Variants in SASH1 observed in about 807,000 individuals in gnomAD.
SASH1 encodes the protein SAM and SH3 domain-containing protein 1.
SASH1 carries 44 observed loss-of-function variants against 125.2 expected under a neutral mutation model. The observed-to-expected ratio is 0.35, with a 90% confidence interval of 0.28 to 0.45. SASH1 has a LOEUF of 0.45. Ranked by LOEUF, SASH1 falls within the 20% of genes least tolerant of loss-of-function variation. SASH1 has a pLI of 1.00. For missense variants in SASH1, 1,426 were observed against 1,614.5 expected (o/e 0.88, Z 2.00); for synonymous variants, 639 against 649.1 (o/e 0.98, Z 0.24).
At chr6:148,384,649 A>G (rs77405671) in intron 1 of SASH1, among the ~76,000 whole-genome samples, 5,881 of 152,222 alleles carry the variant, frequency 0.039, 192 homozygotes, top group South Asian at 0.16. Context: ...ATTTTTATGG[A>G]GTAGGTCTGT....
At chr6:148,428,959 G>C (rs1775941530) in intron 2 of SASH1, among the ~76,000 whole-genome samples, 1 of 152,118 alleles carries the variant, frequency 6.6e-6, no homozygotes, top group African/African-American at 2.4e-5. Flanking sequence ...AACATCTTCT[G>C]CTATACCTCG....
chr6:148,544,359 C>A lies in SASH1; in HGVS notation c.2889C>A (p.Pro963=), dbSNP rs990072582. The A allele has an allele frequency of 6.2e-7, 1 of 1,614,178 alleles. No homozygotes were observed. The highest frequency in any genetic ancestry group is 8.5e-7 in the Non-Finnish European group (1 of 1,180,032). The change falls in exon 18 of 20, where the codon CCC becomes CCA. Residue 963 remains proline, a synonymous_variant. Coordinates refer to ENST00000367467, the MANE Select transcript of SASH1 (RefSeq NM_015278.5). This position sits in a 1 kb window ranked among gnomAD's most constrained non-coding sequence, Gnocchi z 6.4. ...KGHEFEGTHH[P]LGTKEGVDAE... ...ACGAGTTTGAAGGAACACACCATCC[C>A]CTGGGCACCAAAGAAGGGGTAGATG...
chr6:148,229,094 A>G, the SASH1 span, among the ~76,000 whole-genome samples: 1 of 134,754 alleles, frequency 7.4e-6, no homozygotes, highest in Non-Finnish European at 1.5e-5. Flanking sequence ...AGATCGCACT[A>G]CTGCACTCCA....
Position 148,303,276 on chromosome 6 carries a change from G to A in SASH1, n.74+30899G>A, listed in dbSNP as rs578126246. Among the ~76,000 whole-genome samples, 9 of 152,042 alleles carry A rather than the reference G, an allele frequency of 5.9e-5. No individual in the cohort carries two copies. In the South Asian group the frequency reaches 6.2e-4, roughly 11 times the overall value. Reference sequence around the variant, plus strand: ...ATTACAGGTATAAGCCACCATGCCTGGCCTAAAATTGATTTAAAAATAAAT... The same window carrying A: ...ATTACAGGTATAAGCCACCATGCCTAGCCTAAAATTGATTTAAAAATAAAT... On this transcript the variant is annotated intron_variant and non_coding_transcript_variant, in intron 1 of 3. Coordinates refer to the SASH1 transcript ENST00000367469.
chr6:148,429,612 G>A (rs963727945), intron 2 of SASH1, among the ~76,000 whole-genome samples: 2 of 151,758 alleles, frequency 1.3e-5, no homozygotes, highest in African/African-American at 2.4e-5. Context: ...GCATGGTGGT[G>A]TATACCCACA....
chr6:148,207,071 C>T, the SASH1 span, among the ~76,000 whole-genome samples: 1 of 152,162 alleles, frequency 6.6e-6, no homozygotes, highest in African/African-American at 2.4e-5. Flanking sequence ...CCAACCAGAC[C>T]TTCCCAACCA....
At chr6:148,337,605 G>A (rs1026202864) in intron 1 of SASH1, among the ~76,000 whole-genome samples, 9 of 152,052 alleles carry the variant, frequency 5.9e-5, no homozygotes, top group African/African-American at 1.9e-4. Flanking sequence ...CAGGTGATCC[G>A]CCTGCCTGGG....
intron 1 of SASH1, among the ~76,000 whole-genome samples, chr6:148,291,940 A>C (rs1779645320): frequency 6.6e-6 from 1 of 152,198 alleles, no homozygotes; most frequent in Non-Finnish European, 1.5e-5. Context: ...TAGAGCCAAG[A>C]AAAATAGATA....
At chr6:148,261,805 AAGG>A in the SASH1 span, among the ~76,000 whole-genome samples, 1 of 152,146 alleles carries the variant, frequency 6.6e-6, no homozygotes, top group Non-Finnish European at 1.5e-5. Flanking sequence ...TCAGTCAAAC[AAGG>A]AGTAGAAAAG....
rs769365890 is a variant in SASH1 at position 148,527,505 on chromosome 6, C to T, written c.1337C>T (p.Ser446Phe). 4 of 1,610,456 alleles carry T rather than the reference C, an allele frequency of 2.5e-6. No homozygotes were observed. The highest frequency in any genetic ancestry group is 2.2e-5 in the East Asian group (1 of 44,648). ...YKEVIKSPTA[S>F]RISLGKKVKS... ...GAAGTCATCAAATCACCTACTGCCT[C>T]TCGCATCTCTCTTGGGAAAAAGGTG... Residue 446 changes from serine to phenylalanine, a missense_variant, in exon 12 of 20, where the codon TCT (serine) becomes TTT (phenylalanine). By Grantham distance (155) the Ser-to-Phe change is radical. Around this residue, in one of 3 missense-constraint regions of SASH1, gnomAD observed 567 missense variants for 575.6 expected, o/e 0.99. Transcript: ENST00000367467.
chr6:148,216,824 G>A, the SASH1 span, among the ~76,000 whole-genome samples: 3 of 151,746 alleles, frequency 2.0e-5, no homozygotes, highest in African/African-American at 4.8e-5. Flanking sequence ...TCCACCTCCC[G>A]GGTTCAAGCA....
chr6:148,451,648 A>T (rs1777106238), intron 4 of SASH1, among the ~76,000 whole-genome samples: 1 of 152,192 alleles, frequency 6.6e-6, no homozygotes, highest in Admixed American at 6.5e-5. Flanking sequence ...GAAAGAAAGG[A>T]AGAAAGAAAC....
At position 148,402,973 on chromosome 6, in the gene SASH1, A is replaced by G. The variant is rs368160118; in HGVS notation, c.285+12711A>G. On this transcript the variant is annotated intron_variant, in intron 2 of 19. Coordinates refer to ENST00000367467, the MANE Select transcript of SASH1 (RefSeq NM_015278.5). ...GTTCCTGGGTACATGCTAGAGCTCAATGAATACTTATCATAGATATTATTA... is the reference window on the plus strand; with the variant it reads ...GTTCCTGGGTACATGCTAGAGCTCAGTGAATACTTATCATAGATATTATTA... Among the ~76,000 whole-genome samples the G allele has an allele frequency of 7.2e-5, 11 of 152,300 alleles. No homozygotes were observed. The East Asian group carries it at 7.7e-4, about 11-fold the overall frequency.
At chr6:148,524,117 AT>A (rs1353323909) in intron 10 of SASH1, among the ~76,000 whole-genome samples, 1 of 95,284 alleles carries the variant, frequency 1.0e-5, no homozygotes, top group Non-Finnish European at 2.1e-5. Flanking sequence ...ATATATATAT[AT>A]ATATTTTTTT....
chr6:148,362,202 C>T (rs1461581317), intron 1 of SASH1, among the ~76,000 whole-genome samples: 1 of 150,334 alleles, frequency 6.7e-6, no homozygotes, highest in Non-Finnish European at 1.5e-5. Flanking sequence ...GCTGGGATTA[C>T]AGGCGTGAGC....
intron 4 of SASH1, among the ~76,000 whole-genome samples, chr6:148,441,012 A>G (rs764926632): frequency 4.6e-5 from 7 of 152,264 alleles, no homozygotes; most frequent in African/African-American, 1.4e-4. Flanking sequence ...TTTAGGCAAC[A>G]TAAATAAGAC....
intron 17 of SASH1, among the ~76,000 whole-genome samples, chr6:148,542,286 T>C (rs1782265758): frequency 6.6e-6 from 1 of 152,248 alleles, no homozygotes; most frequent in Non-Finnish European, 1.5e-5. Flanking sequence ...TTTCTAAATT[T>C]ATGCTAAAGA....
At chr6:148,447,374 T>G (rs1776844562) in intron 4 of SASH1, among the ~76,000 whole-genome samples, 1 of 152,224 alleles carries the variant, frequency 6.6e-6, no homozygotes, top group Admixed American at 6.5e-5. Context: ...CTGCGGACAC[T>G]TACTCTCCTT....
intron 8 of SASH1, among the ~76,000 whole-genome samples, chr6:148,491,917 G>A (rs1376362003): frequency 6.6e-6 from 1 of 152,092 alleles, no homozygotes; most frequent in Non-Finnish European, 1.5e-5. Flanking sequence ...GCCTTTTTGG[G>A]TCTCTAATCC....
Sources: allele counts gnomAD v4.1 joint callset (sites outside exome capture counted in the v4.1 genomes callset), GRCh38; gene constraint gnomAD v4.1.1; regional missense constraint gnomAD v4.1.1; non-coding constraint Gnocchi (gnomAD v3.1); transcripts MANE v1.5; gene names NCBI Gene and HGNC (gene_info 2026-07-23, HGNC 2026-07-21).